Variants in CRB1 observed in about 807,000 individuals in gnomAD.
CRB1 encodes the protein crumbs cell polarity complex component 1.
Under a neutral mutation model 120.0 loss-of-function variants are expected in CRB1, and 83 were observed. The observed-to-expected ratio is 0.69, with a 90% CI of 0.58 to 0.83. CRB1 has a LOEUF of 0.83. CRB1 is among the 40% of genes least tolerant of loss of function. CRB1 has a pLI of 0.00. For missense variants in CRB1, 1,699 were observed against 1,687.6 expected (o/e 1.01, Z -0.12); for synonymous variants, 625 against 612.5 (o/e 1.02, Z -0.30).
intron 7 of CRB1, chr1:197,429,201 C>A (rs921657338): frequency 8.0e-6 from 12 of 1,502,498 alleles, no homozygotes; most frequent in Non-Finnish European, 1.1e-5. Context: ...CTTGAAAAAC[C>A]CTCCTTGTGC....
At chr1:197,445,608 A>G (rs1317099091) in intron 11 of CRB1, among the ~76,000 whole-genome samples, 3 of 152,228 alleles carry the variant, frequency 2.0e-5, no homozygotes, top group African/African-American at 7.2e-5. Context: ...AGGTTTAAAA[A>G]TAGAAACTGT....
At chr1:197,465,508 C>G (rs1201825175) in intron 11 of CRB1, among the ~76,000 whole-genome samples, 1 of 152,006 alleles carries the variant, frequency 6.6e-6, no homozygotes, top group Non-Finnish European at 1.5e-5. Flanking sequence ...TCAATAAATC[C>G]TCATAATATG....
At chr1:197,409,898 C>A (rs1663612065) in intron 5 of CRB1, among the ~76,000 whole-genome samples, 2 of 152,154 alleles carry the variant, frequency 1.3e-5, no homozygotes, top group Non-Finnish European at 2.9e-5. Flanking sequence ...ACACACCTGC[C>A]TCAGCCTCCT....
chr1:197,438,606 A>G lies in CRB1; in HGVS notation c.3809A>G (p.Asn1270Ser), dbSNP rs138667698. 193 of 1,612,954 alleles carry G rather than the reference A, an allele frequency of 1.2e-4. No individual in the cohort carries two copies. Among genetic ancestry groups the G allele is most frequent in the Non-Finnish European group, 1.5e-4 (179 of 1,179,188 alleles). Residue 1270 changes from asparagine to serine, a missense_variant, in exon 10 of 12, where the codon AAT becomes AGT. Coordinates refer to ENST00000367400, the MANE Select transcript of CRB1 (RefSeq NM_201253.3). ...GAGAAGACAAATCTCACTTGCTACA[A>G]TGGAGGCAACTGCACAGAGTTCCAG... ...GNEKTNLTCYNGGNCTEFQTE... is the reference protein window; with the variant it reads ...GNEKTNLTCYSGGNCTEFQTE...
chr1:197,356,480 A>G (rs2125353681), intron 4 of CRB1, among the ~76,000 whole-genome samples: 1 of 152,350 alleles, frequency 6.6e-6, no homozygotes, highest in Non-Finnish European at 1.5e-5. Flanking sequence ...CTTTTCAGCT[A>G]TTGAAATATT....
the CRB1 span, among the ~76,000 whole-genome samples, chr1:197,210,612 A>G: frequency 6.6e-6 from 1 of 152,024 alleles, no homozygotes; most frequent in African/African-American, 2.4e-5. Context: ...TACCTATCTA[A>G]GAGCCTATTG....
chr1:197,288,818 CA>C (rs1235260692), intron 1 of CRB1, among the ~76,000 whole-genome samples: 1 of 151,606 alleles, frequency 6.6e-6, no homozygotes. Flanking sequence ...CAAAACAAAG[CA>C]AAGCAAACGA....
chr1:197,217,709 G>A, the CRB1 span, among the ~76,000 whole-genome samples: 1 of 151,988 alleles, frequency 6.6e-6, no homozygotes, highest in African/African-American at 2.4e-5. Context: ...GGGTTTTTTG[G>A]AGGTGATGAA....
At chr1:197,311,742 T>C (rs980466754) in intron 1 of CRB1, among the ~76,000 whole-genome samples, 21 of 141,174 alleles carry the variant, frequency 1.5e-4, no homozygotes, top group Admixed American at 1.1e-3. Context: ...TGTGTGTGTG[T>C]GTGTTGAGAA....
chr1:197,288,293 T>C (rs1464443695), intron 1 of CRB1, among the ~76,000 whole-genome samples: 1 of 151,844 alleles, frequency 6.6e-6, no homozygotes, highest in Admixed American at 6.6e-5. Context: ...CTGTGCCCAG[T>C]AGCCAGACTG....
At chr1:197,363,187 A>T (rs1007261290) in intron 5 of CRB1, among the ~76,000 whole-genome samples, 6 of 150,976 alleles carry the variant, frequency 4.0e-5, no homozygotes, top group African/African-American at 1.5e-4. Context: ...TGAGGATCAG[A>T]TGGTGTTATA....
At chr1:197,327,132 A>AAAAAT (rs1558055752) in intron 1 of CRB1, among the ~76,000 whole-genome samples, 1 of 148,670 alleles carries the variant, frequency 6.7e-6, no homozygotes, top group Non-Finnish European at 1.5e-5. Context: ...AAAAAAAAAA[A>AAAAAT]CAGAAACCAA....
At chr1:197,315,460 G>C (rs1166858739) in intron 1 of CRB1, among the ~76,000 whole-genome samples, 1 of 152,162 alleles carries the variant, frequency 6.6e-6, no homozygotes, top group Non-Finnish European at 1.5e-5. Flanking sequence ...CAGCTCCAAA[G>C]CTGTGCCTGC....
chr1:197,324,595 GAGAT>G (rs1403993654), intron 1 of CRB1, among the ~76,000 whole-genome samples: 1 of 152,052 alleles, frequency 6.6e-6, no homozygotes, highest in Admixed American at 6.6e-5. Flanking sequence ...ACAACTCTAT[GAGAT>G]AGGTGCCATT....
chr1:197,397,911 C>T (rs1662854119), intron 5 of CRB1, among the ~76,000 whole-genome samples: 1 of 152,018 alleles, frequency 6.6e-6, no homozygotes, highest in South Asian at 2.1e-4. Context: ...TACCTTTGTA[C>T]ACCTAACATG....
In CRB1 at chr1:197,427,650, G is replaced by T; in HGVS notation, c.2325G>T (p.Leu775=). 6.2e-7 allele frequency: 1 copy of T among 1,613,950 alleles called. No homozygotes were observed. Among genetic ancestry groups the T allele is most frequent in the East Asian group, 2.2e-5 (1 of 44,884 alleles). ...TAGAGCGCGGCAGACTAGCAATGCT[G>T]ACTCCAAACTCTCCCAAATTAGTAG... ...VWLERGRLAM[L]TPNSPKLVVK... The change falls in exon 7 of 12, where the codon CTG becomes CTT. Residue 775 remains leucine (L), a synonymous_variant. Transcript: ENST00000367400.
Position 197,381,677 on chromosome 1 carries a change from A to G in CRB1, c.1171+24664A>G, listed in dbSNP as rs944061497. Among the ~76,000 whole-genome samples, 4 of 152,350 alleles carry G rather than the reference A, an allele frequency of 2.6e-5. No homozygotes were observed. In the Middle Eastern group the frequency reaches 0.01, roughly 389 times the overall value. On this transcript the variant is annotated intron_variant, in intron 5 of 11. Transcript: ENST00000367400. ...CAAGAGGTTACACATGCAGCCTTCA[A>G]TTTGACAGATGACAGCATAACTCAT... is the stretch of plus-strand genomic sequence containing the variant.
At chr1:197,258,135 C>T in the CRB1 span, among the ~76,000 whole-genome samples, 1 of 152,112 alleles carries the variant, frequency 6.6e-6, no homozygotes, top group Non-Finnish European at 1.5e-5. Flanking sequence ...TAGTTGCTAA[C>T]AATTTAATTG....
the CRB1 span, among the ~76,000 whole-genome samples, chr1:197,227,401 T>C: frequency 6.8e-6 from 1 of 147,284 alleles, no homozygotes; most frequent in Admixed American, 6.6e-5. Flanking sequence ...TTCTTTTTTT[T>C]TTTTTTTTTG....
Sources: gnomAD v4.1 joint callset for allele counts (sites outside exome capture counted in the v4.1 genomes callset) on GRCh38, gnomAD v4.1.1 for gene constraint, MANE v1.5 for transcripts, NCBI Gene and HGNC (gene_info 2026-07-23, HGNC 2026-07-21) for gene names.